The following DIAPH2 variants were observed in gnomAD, a reference collection of about 807,000 sequenced individuals.
DIAPH2 encodes the protein protein diaphanous homolog 2.
A neutral mutation model predicts 92.7 loss-of-function variants in DIAPH2; 35 were observed. That is an observed-to-expected ratio of 0.38 (90% CI 0.29 to 0.50). The LOEUF (loss-of-function observed/expected upper bound fraction) is 0.50, where lower values mean the gene tolerates loss of function less well. DIAPH2 is among the 20% of genes least tolerant of loss of function. The pLI is 0.94. For missense variants in DIAPH2, 701 were observed against 819.5 expected, an observed-to-expected ratio of 0.86 and a Z score of 1.77; for synonymous variants, 301 against 280.4, an observed-to-expected ratio of 1.07 and a Z score of -0.73.
intron 22 of DIAPH2, among the ~76,000 whole-genome samples, chrX:97,185,304 AAAATAT>A (rs1346500070): frequency 1.1e-4 from 4 of 37,564 alleles, no homozygotes; most frequent in African/African-American, 4.3e-4. Context: ...CAAAAAAAAA[AAAATAT>A]ATATATATAT....
chrX:97,526,087 A>G (rs187306890), intron 26 of DIAPH2, among the ~76,000 whole-genome samples: 1 of 110,758 alleles, frequency 9.0e-6, no homozygotes, highest in African/African-American at 3.3e-5. Context: ...CTATCCAGAG[A>G]AGTTCATCAT....
intron 4 of DIAPH2, among the ~76,000 whole-genome samples, chrX:96,776,829 G>C (rs1042984713): frequency 2.7e-5 from 3 of 111,440 alleles, no homozygotes; most frequent in Non-Finnish European, 5.6e-5. Context: ...TATAAGAAGA[G>C]TTCAATACAT....
intron 26 of DIAPH2, among the ~76,000 whole-genome samples, chrX:97,526,776 T>C (rs938003792): frequency 1.3e-4 from 15 of 111,924 alleles, no homozygotes; most frequent in African/African-American, 4.5e-4. Flanking sequence ...TATTTGAACA[T>C]GTCCACTTCC....
intron 25 of DIAPH2, among the ~76,000 whole-genome samples, chrX:97,416,460 G>T (rs975236956): frequency 8.9e-6 from 1 of 112,264 alleles, no homozygotes; most frequent in Non-Finnish European, 1.9e-5. Flanking sequence ...TGTGCTGGTT[G>T]AATCAATTTG....
intron 17 of DIAPH2, among the ~76,000 whole-genome samples, chrX:96,965,435 G>T (rs1043174086): frequency 4.5e-5 from 5 of 111,147 alleles, no homozygotes; most frequent in African/African-American, 1.6e-4. Context: ...TGAAAATACA[G>T]GTTTTATTTT....
intron 4 of DIAPH2, among the ~76,000 whole-genome samples, chrX:96,847,343 G>T (rs1027575669): frequency 8.9e-6 from 1 of 111,987 alleles, no homozygotes; most frequent in African/African-American, 3.2e-5. Context: ...GAATGTTAAG[G>T]CAGTGAAGTG....
chrX:97,169,722 A>G (rs940013322), intron 22 of DIAPH2, among the ~76,000 whole-genome samples: 1 of 111,076 alleles, frequency 9.0e-6, no homozygotes, highest in Non-Finnish European at 1.9e-5. Context: ...TAAGAAACGA[A>G]CAGGGAGTGG....
chrX:97,047,934 GT>G (rs1260591916), intron 17 of DIAPH2, among the ~76,000 whole-genome samples: 12 of 109,764 alleles, frequency 1.1e-4, no homozygotes, highest in Admixed American at 1.1e-3. Context: ...AATACTTCCG[GT>G]TTTCCTTTTA....
chrX:96,775,938 G>C (rs192007783), intron 4 of DIAPH2, among the ~76,000 whole-genome samples: 1 of 111,638 alleles, frequency 9.0e-6, no homozygotes, highest in Admixed American at 9.5e-5. Flanking sequence ...AGAATGTGTT[G>C]ATCACAACTA....
chrX:96,956,496 G>A (rs748325498), intron 15 of DIAPH2, among the ~76,000 whole-genome samples: 4 of 112,091 alleles, frequency 3.6e-5, no homozygotes, highest in East Asian at 2.8e-4. Flanking sequence ...CCCAGAAAAC[G>A]GATTTTTCTT....
At chrX:97,241,759 TTAAG>T (rs2068096073) in intron 22 of DIAPH2, among the ~76,000 whole-genome samples, 1 of 102,850 alleles carries the variant, frequency 9.7e-6, no homozygotes, top group Non-Finnish European at 2.0e-5. Context: ...AGATAAGAGT[TTAAG>T]TAGGCTGATT....
At chrX:96,839,540 A>T (rs181672962) in intron 4 of DIAPH2, among the ~76,000 whole-genome samples, 38 of 111,630 alleles carry the variant, frequency 3.4e-4, no homozygotes, top group Non-Finnish European at 6.2e-4. Flanking sequence ...ATTTTTTCCT[A>T]TGCTAATAAG....
intron 22 of DIAPH2, among the ~76,000 whole-genome samples, chrX:97,153,639 A>G (rs886976173): frequency 1.8e-4 from 20 of 111,889 alleles, no homozygotes; most frequent in Non-Finnish European, 3.6e-4. Context: ...ACAAGTTAAA[A>G]TATAAAGCTT....
intron 22 of DIAPH2, among the ~76,000 whole-genome samples, chrX:97,244,690 A>G (rs1036300201): frequency 5.4e-5 from 6 of 111,968 alleles, no homozygotes; most frequent in Non-Finnish European, 1.1e-4. Context: ...AGTATGTGCT[A>G]AGTATAATAA....
At chrX:97,190,203 A>G (rs191734498) in intron 22 of DIAPH2, among the ~76,000 whole-genome samples, 84 of 112,727 alleles carry the variant, frequency 7.5e-4, no homozygotes, top group Non-Finnish European at 1.2e-3. Context: ...TTGTGTTTGT[A>G]CAATGCACTA....
intron 26 of DIAPH2, among the ~76,000 whole-genome samples, chrX:97,512,248 A>G (rs1186569096): frequency 8.8e-6 from 1 of 113,465 alleles, no homozygotes; most frequent in Non-Finnish European, 1.9e-5. Flanking sequence ...GAGGGTGTAT[A>G]TGTCAAGGAA....
At chrX:97,198,265 TACACACACACACACAC>T (rs200339851) in intron 22 of DIAPH2, among the ~76,000 whole-genome samples, 1 of 89,041 alleles carries the variant, frequency 1.1e-5, no homozygotes, top group Admixed American at 1.3e-4. Context: ...AACAACAAAA[TACACACACACACACAC>T]ACACACACAC....
chrX:97,158,006 A>G (rs990269993), intron 22 of DIAPH2, among the ~76,000 whole-genome samples: 1 of 111,961 alleles, frequency 8.9e-6, no homozygotes, highest in African/African-American at 3.2e-5. Flanking sequence ...ACCTCTCTCT[A>G]AATACAGTCT....
intron 4 of DIAPH2, among the ~76,000 whole-genome samples, chrX:96,793,364 T>C (rs2064514718): frequency 8.9e-6 from 1 of 112,225 alleles, no homozygotes; most frequent in African/African-American, 3.2e-5. Flanking sequence ...AGACTGGGTT[T>C]CGCCATGCTG....
Sources: allele counts gnomAD v4.1 joint callset (sites outside exome capture counted in the v4.1 genomes callset), GRCh38; gene constraint gnomAD v4.1.1; transcripts MANE v1.5; gene names NCBI Gene and HGNC (gene_info 2026-07-23, HGNC 2026-07-21).